The following CDC37L1 variants were observed in gnomAD, a reference collection of about 807,000 sequenced individuals.
CDC37L1 encodes the protein cell division cycle 37 like 1, HSP90 cochaperone.
A neutral mutation model predicts 45.9 loss-of-function variants in CDC37L1; 32 were observed. The observed-to-expected ratio is 0.70, with a 90% CI of 0.53 to 0.94. The LOEUF is 0.94. Among genes scored for constraint, CDC37L1 ranks in the 40% least tolerant of loss-of-function variants. CDC37L1 has a pLI of 0.00. For missense variants in CDC37L1, 434 were observed against 405.7 expected (o/e 1.07, Z -0.60); for synonymous variants, 150 against 133.0 (o/e 1.13, Z -0.88).
chr9:4,682,576 C>T (rs1415545000), intron 1 of CDC37L1, among the ~76,000 whole-genome samples: 1 of 152,064 alleles, frequency 6.6e-6, no homozygotes, highest in Non-Finnish European at 1.5e-5. Flanking sequence ...CCGCCCGCCT[C>T]GGCCTCCTGA....
chr9:4,682,670 G>T (rs1365670485), intron 1 of CDC37L1, among the ~76,000 whole-genome samples: 1 of 150,864 alleles, frequency 6.6e-6, no homozygotes, highest in African/African-American at 2.4e-5. Flanking sequence ...ACGGGGTTTC[G>T]CCATGTTGGC....
At position 4,684,953 on chromosome 9, in the gene CDC37L1, A is replaced by C; in HGVS notation, c.209A>C (p.Asn70Thr). Residue 70 changes from asparagine (N) to threonine (T), a missense_variant, in exon 2 of 7, where the codon AAT (asparagine) becomes ACT (threonine). Asn to Thr is a moderately conservative substitution (Grantham distance 65). Transcript: ENST00000381854. Reference sequence around the variant, plus strand: ...AAGAGCTCTGTGGCGTGCAAATGGAATCTTGCTGAAGCTCAACAGAAACTT... The same window carrying C: ...AAGAGCTCTGTGGCGTGCAAATGGACTCTTGCTGAAGCTCAACAGAAACTT... ...FVKSSVACKW[N>T]LAEAQQKLGS... 6.2e-7 allele frequency: 1 copy of C among 1,613,848 alleles called. No homozygotes were observed. Among genetic ancestry groups the C allele is most frequent in the Admixed American group, 1.7e-5 (1 of 60,004 alleles).
At chr9:4,697,965 C>A in intron 5 of CDC37L1, 86 bp downstream of exon 5, 1 of 1,220,870 alleles carries the variant, frequency 8.2e-7, no homozygotes, top group African/African-American at 1.5e-5. Context: ...AGAAGGCATC[C>A]AAGCAGGATG....
chr9:4,693,696 T>C (rs1327542388), intron 3 of CDC37L1, among the ~76,000 whole-genome samples: 1 of 152,196 alleles, frequency 6.6e-6, no homozygotes, highest in Non-Finnish European at 1.5e-5. Flanking sequence ...GTTTGGCTAG[T>C]TTAAATGACT....
chr9:4,689,376 A>T (rs1229527629), intron 3 of CDC37L1, among the ~76,000 whole-genome samples: 2 of 150,698 alleles, frequency 1.3e-5, no homozygotes, highest in African/African-American at 4.9e-5. Context: ...CATGGTTTTT[A>T]TTTGTAATAT....
chr9:4,689,799 C>T (rs1169810243), intron 3 of CDC37L1, among the ~76,000 whole-genome samples: 3 of 152,194 alleles, frequency 2.0e-5, no homozygotes, highest in Admixed American at 1.3e-4. Context: ...AATTGCCACT[C>T]CCGCCTACAG....
rs1230186640 is a variant in CDC37L1, at chr9:4,706,622, T to TG, written c.*516dup. The TG allele has an allele frequency of 1.3e-5, 2 of 152,606 alleles. No homozygotes were observed. The highest frequency in any genetic ancestry group is 2.9e-5 in the Non-Finnish European group (2 of 68,030). 9.5% of individuals were successfully genotyped at this position (152,606 alleles called of 1,614,324 possible). On this transcript the variant is annotated 3_prime_UTR_variant, in exon 7 of 7. Coordinates refer to ENST00000381854, the MANE Select transcript of CDC37L1 (RefSeq NM_017913.4). ...TGGTAATGTACTTTACTAAATAAGT[T>TG]GGGGGGTACAATTTTTAAAAGTCTT...
intron 3 of CDC37L1, among the ~76,000 whole-genome samples, chr9:4,690,125 G>A (rs188709459): frequency 6.6e-6 from 1 of 152,208 alleles, no homozygotes; most frequent in African/African-American, 2.4e-5. Context: ...CTTCTGGGTA[G>A]TGATGTTCGT....
intron 1 of CDC37L1, among the ~76,000 whole-genome samples, chr9:4,681,512 C>T (rs989058014): frequency 4.6e-5 from 7 of 152,140 alleles, no homozygotes; most frequent in Middle Eastern, 3.4e-3. Flanking sequence ...GGTGTGGTGG[C>T]GCATGCCTGT....
At chr9:4,691,466 C>T (rs1487538490) in intron 3 of CDC37L1, among the ~76,000 whole-genome samples, 1 of 152,162 alleles carries the variant, frequency 6.6e-6, no homozygotes, top group Non-Finnish European at 1.5e-5. Context: ...AGGATAATGG[C>T]TTCTGGTATA....
chr9:4,684,877 A>G lies in CDC37L1; in HGVS notation c.133A>G (p.Met45Val), dbSNP rs769889155. ...TCTTACAAATATTGTTTTTATCCAG[A>G]TGTATAGCCATGGAATTGAATTGGC... ...CPQLPGGGAQ[M>V]YSHGIELACQ... The change falls in exon 2 of 7, where the codon ATG (methionine) becomes GTG (valine). Residue 45 changes from methionine to valine, a missense_variant and splice_region_variant. Physicochemically the swap from Met to Val is conservative, Grantham distance 21. Coordinates refer to ENST00000381854, the MANE Select transcript of CDC37L1 (RefSeq NM_017913.4). 21 of 1,606,018 alleles carry G rather than the reference A, an allele frequency of 1.3e-5. No homozygotes were observed. In the East Asian group the frequency reaches 4.7e-4, roughly 36 times the overall value.
At chr9:4,701,831 C>T in intron 5 of CDC37L1, 33 bp from the exon 6 acceptor site, 1 of 1,492,482 alleles carries the variant, frequency 6.7e-7, no homozygotes, top group Admixed American at 2.0e-5. Flanking sequence ...TCTTGAAGAA[C>T]ACAGTCTTTG....
intron 6 of CDC37L1, among the ~76,000 whole-genome samples, chr9:4,702,294 A>G (rs908959351): frequency 2.0e-5 from 3 of 152,162 alleles, no homozygotes; most frequent in Non-Finnish European, 4.4e-5. Flanking sequence ...TTAGCTATTG[A>G]TCATCTCAAT....
Position 4,685,093 on chromosome 9 carries a change from C to G in CDC37L1, c.349C>G (p.Leu117Val), listed in dbSNP as rs751931223. Residue 117 changes from leucine to valine, a missense_variant, in exon 2 of 7, where the codon CTA (leucine) becomes GTA (valine). Leu to Val is a conservative substitution (Grantham distance 32). Coordinates refer to ENST00000381854, the MANE Select transcript of CDC37L1 (RefSeq NM_017913.4). ...AGAGTGGCGACAGAAAGAAGAAGCTCTAGTACAAAGAGAGAAGATGTGTCT... is the reference window on the plus strand; with the variant it reads ...AGAGTGGCGACAGAAAGAAGAAGCTGTAGTACAAAGAGAGAAGATGTGTCT... ...EEEWRQKEEA[L>V]VQREKMCLWS... 2 of 1,613,720 alleles carry G rather than the reference C, an allele frequency of 1.2e-6. No homozygotes were observed. The highest frequency in any genetic ancestry group is 1.7e-6 in the Non-Finnish European group (2 of 1,179,674).
chr9:4,688,562 CAG>C lies in CDC37L1; in HGVS notation c.466_467del (p.Glu156IlefsTer7). The C allele has an allele frequency of 6.6e-7, 1 of 1,526,496 alleles. No individual in the cohort carries two copies. Among genetic ancestry groups the C allele is most frequent in the Non-Finnish European group, 8.8e-7 (1 of 1,134,750 alleles). The allele number at this position is 1,526,496 out of a possible 1,614,324, so 94.6% of individuals were successfully genotyped here. On this transcript the variant is annotated frameshift_variant, in exon 3 of 7. Coordinates refer to ENST00000381854, the MANE Select transcript of CDC37L1 (RefSeq NM_017913.4). LOFTEE classifies it high-confidence loss of function. Reference sequence around the variant, plus strand: ...AAAGACACAGAAGATGAAGATAAATCAGAATCATTTATGCAAAAATATGAGCA... The same window carrying C: ...AAAGACACAGAAGATGAAGATAAATCAATCATTTATGCAAAAATATGAGCA...
chr9:4,685,867 T>C (rs767915982), intron 2 of CDC37L1, among the ~76,000 whole-genome samples: 4 of 152,202 alleles, frequency 2.6e-5, no homozygotes, highest in African/African-American at 4.8e-5. Flanking sequence ...TAAAATGATA[T>C]TTATTGAAAA....
chr9:4,705,376 TTA>T (rs1314211475), intron 6 of CDC37L1, among the ~76,000 whole-genome samples: 2 of 152,170 alleles, frequency 1.3e-5, no homozygotes, highest in Non-Finnish European at 2.9e-5. Flanking sequence ...GAGTAAGATT[TTA>T]TGTTTTCTAT....
In CDC37L1 at chr9:4,679,600, C is replaced by T. The variant is rs1841165240; in HGVS notation, c.-168C>T. On this transcript the variant is annotated 5_prime_UTR_variant, in exon 1 of 7. Transcript: ENST00000381854. The stretch of plus-strand genomic sequence containing the variant: ...CCGTCCGCCGGTGGCGAGGCCCAGG[C>T]TGTCGCCGGGTGTGCAGCGGCGTCG... 3 of 578,198 alleles carry T rather than the reference C, an allele frequency of 5.2e-6. No individual in the cohort carries two copies. The highest frequency in any genetic ancestry group is 5.9e-6 in the Non-Finnish European group (2 of 336,406). The allele number at this position is 578,198 out of a possible 1,614,324, so 35.8% of individuals were successfully genotyped here.
chr9:4,706,063 C>G lies in CDC37L1; in HGVS notation c.965C>G (p.Ser322Trp), dbSNP rs764775328. The G allele has an allele frequency of 6.2e-7, 1 of 1,606,942 alleles. No individual in the cohort carries two copies. The highest frequency in any genetic ancestry group is 1.7e-5 in the Admixed American group (1 of 59,992). ...SISTALCSLN[S>W]VVHKEDDEPK... ...AGTACAGCTCTCTGCAGCTTAAACT[C>G]GGTGGTACATAAAGAAGATGATGAA... Residue 322 changes from serine (S) to tryptophan (W), a missense_variant, in exon 7 of 7, where the codon TCG (serine) becomes TGG (tryptophan). Ser to Trp is a radical substitution (Grantham distance 177). Coordinates refer to ENST00000381854, the MANE Select transcript of CDC37L1 (RefSeq NM_017913.4).
Sources: gnomAD v4.1 joint callset for allele counts (sites outside exome capture counted in the v4.1 genomes callset) on GRCh38, gnomAD v4.1.1 for gene constraint, MANE v1.5 for transcripts, NCBI Gene and HGNC (gene_info 2026-07-23, HGNC 2026-07-21) for gene names.